Variants in TACR3 observed in about 807,000 individuals in gnomAD.
TACR3 encodes tachykinin receptor 3.
In TACR3, 34 loss-of-function variants were observed where a neutral mutation model predicts 35.0. That is an observed-to-expected ratio of 0.97 (90% confidence interval 0.74 to 1.30). The LOEUF is 1.30. Ranked by LOEUF, TACR3 falls within the 50% of genes most tolerant of loss-of-function variation. The pLI, the probability that TACR3 is intolerant of heterozygous loss-of-function variation, is 0.00. For synonymous variants in TACR3, 233 were observed against 221.1 expected (o/e 1.05, Z -0.48); for missense variants, 558 against 591.7 (o/e 0.94, Z 0.59).
At chr4:103,719,056 G>A (rs1164356770) in intron 1 of TACR3, 72 bp downstream of exon 1, 4 of 1,592,800 alleles carry the variant, frequency 2.5e-6, no homozygotes, top group African/African-American at 2.7e-5. Flanking sequence ...TATTTCCTTT[G>A]TAATCTTATC....
chr4:103,616,754 C>T lies in TACR3; in HGVS notation c.889-25071G>A, dbSNP rs117178190. On this transcript the variant is annotated intron_variant, in intron 3 of 4. Transcript: ENST00000304883. ...TTGAGCCTAGGAGTTTGAGACCAGCCTGAGCAACATAGTACAACCCTGTCT... is the reference window on the plus strand; with the variant it reads ...TTGAGCCTAGGAGTTTGAGACCAGCTTGAGCAACATAGTACAACCCTGTCT... 5.4e-3 allele frequency among the ~76,000 whole-genome samples: 829 copies of T among 152,184 alleles called. 15 individuals are homozygous for T. The highest frequency in any genetic ancestry group is 0.026 in the East Asian group (136 of 5,172).
At chr4:103,600,555 G>T (rs1724170526) in intron 3 of TACR3, among the ~76,000 whole-genome samples, 1 of 152,140 alleles carries the variant, frequency 6.6e-6, no homozygotes, top group Non-Finnish European at 1.5e-5. Context: ...TGATGTTAGG[G>T]TGTCAATTTT....
intron 3 of TACR3, among the ~76,000 whole-genome samples, chr4:103,632,751 T>C (rs757814771): frequency 1.3e-5 from 2 of 151,748 alleles, no homozygotes; most frequent in Non-Finnish European, 2.9e-5. Flanking sequence ...AATCAATACA[T>C]TGAAGAGCAA....
chr4:103,639,274 T>A (rs968003927), intron 3 of TACR3, among the ~76,000 whole-genome samples: 22 of 151,928 alleles, frequency 1.4e-4, no homozygotes, highest in African/African-American at 2.2e-4. Context: ...AAAAATGATG[T>A]GTTCATGTCC....
At chr4:103,646,853 T>C (rs1242292397) in intron 3 of TACR3, among the ~76,000 whole-genome samples, 1 of 151,964 alleles carries the variant, frequency 6.6e-6, no homozygotes, top group Non-Finnish European at 1.5e-5. Context: ...AGATGCTAAC[T>C]CTAAGAAGCA....
intron 1 of TACR3, among the ~76,000 whole-genome samples, chr4:103,676,409 G>T (rs1726170832): frequency 2.6e-5 from 4 of 152,112 alleles, no homozygotes. Flanking sequence ...AGATGCAGTA[G>T]ACAGTCAACC....
chr4:103,613,356 C>A (rs1020784557), intron 3 of TACR3, among the ~76,000 whole-genome samples: 1 of 152,112 alleles, frequency 6.6e-6, no homozygotes, highest in Non-Finnish European at 1.5e-5. Context: ...TAAAATAATG[C>A]TTTTAAGCAT....
intron 1 of TACR3, among the ~76,000 whole-genome samples, chr4:103,705,649 G>T (rs1166155039): frequency 2.6e-5 from 4 of 152,172 alleles, no homozygotes; most frequent in Non-Finnish European, 4.4e-5. Flanking sequence ...GAGCATCATG[G>T]AAAGTGTCTC....
At chr4:103,702,701 C>T (rs903182906) in intron 1 of TACR3, among the ~76,000 whole-genome samples, 11 of 151,840 alleles carry the variant, frequency 7.2e-5, no homozygotes, top group African/African-American at 2.7e-4. Context: ...CACATATACA[C>T]CATGGAATAC....
At chr4:103,663,611 T>C (rs966917373) in intron 1 of TACR3, among the ~76,000 whole-genome samples, 3 of 152,090 alleles carry the variant, frequency 2.0e-5, no homozygotes, top group Non-Finnish European at 4.4e-5. Flanking sequence ...CCACTGGAGG[T>C]TGAATTAAGT....
At chr4:103,634,662 A>C (rs1725139963) in intron 3 of TACR3, among the ~76,000 whole-genome samples, 1 of 152,088 alleles carries the variant, frequency 6.6e-6, no homozygotes, top group South Asian at 2.1e-4. Flanking sequence ...TAACTTCTTC[A>C]ACAATTGCTG....
At chr4:103,680,235 T>A (rs936083453) in intron 1 of TACR3, among the ~76,000 whole-genome samples, 2 of 151,554 alleles carry the variant, frequency 1.3e-5, no homozygotes, top group Admixed American at 6.6e-5. Flanking sequence ...CTTTTTATTG[T>A]TAGCAAGTAG....
intron 3 of TACR3, among the ~76,000 whole-genome samples, chr4:103,632,666 G>A (rs1296275358): frequency 1.3e-5 from 2 of 149,908 alleles, no homozygotes; most frequent in Admixed American, 1.3e-4. Flanking sequence ...TTTTTTTGAA[G>A]AAATAAAGAA....
At chr4:103,679,225 C>T (rs1726237372) in intron 1 of TACR3, among the ~76,000 whole-genome samples, 2 of 152,146 alleles carry the variant, frequency 1.3e-5, no homozygotes, top group South Asian at 2.1e-4. Flanking sequence ...AAAAGCCAAT[C>T]ATAATCCTGA....
chr4:103,598,992 A>T (rs1724117081), intron 3 of TACR3, among the ~76,000 whole-genome samples: 2 of 152,168 alleles, frequency 1.3e-5, no homozygotes, highest in African/African-American at 4.8e-5. Flanking sequence ...TCTGTGAAGA[A>T]AGTCATTGGT....
chr4:103,682,868 T>C (rs1361879148), intron 1 of TACR3, among the ~76,000 whole-genome samples: 1 of 152,110 alleles, frequency 6.6e-6, no homozygotes, highest in Non-Finnish European at 1.5e-5. Context: ...AGAATTCATG[T>C]TAACTTGATT....
At position 103,597,947 on chromosome 4, in the gene TACR3, T is replaced by C. The variant is rs1001438651; in HGVS notation, c.889-6264A>G. On this transcript the variant is annotated intron_variant, in intron 3 of 4. Coordinates refer to ENST00000304883, the MANE Select transcript of TACR3 (RefSeq NM_001059.3). ...TGTGTCTTTATAACAGCATGATTTA[T>C]AATCCTTTGGGGATATACCCAGTAA... Among the ~76,000 whole-genome samples, 32 of 152,224 alleles carry C rather than the reference T, an allele frequency of 2.1e-4. 1 individual carries two copies. Among genetic ancestry groups the C allele is most frequent in the Non-Finnish European group, 3.2e-4 (22 of 68,042 alleles).
At chr4:103,693,950 A>ATT (rs1722466980) in intron 1 of TACR3, among the ~76,000 whole-genome samples, 1 of 152,168 alleles carries the variant, frequency 6.6e-6, no homozygotes, top group South Asian at 2.1e-4. Flanking sequence ...ATAATTAGCT[A>ATT]AATTCCAAAT....
chr4:103,648,719 G>A (rs1489037677), intron 3 of TACR3, among the ~76,000 whole-genome samples: 1 of 152,046 alleles, frequency 6.6e-6, no homozygotes, highest in Non-Finnish European at 1.5e-5. Context: ...CCAAGTCTTG[G>A]CTATTGTGAA....
Sources: gnomAD v4.1 joint callset for allele counts (sites outside exome capture counted in the v4.1 genomes callset) on GRCh38, gnomAD v4.1.1 for gene constraint, MANE v1.5 for transcripts, NCBI Gene and HGNC (gene_info 2026-07-23, HGNC 2026-07-21) for gene names.